The following ZNF253 variants were observed in gnomAD, a reference collection of about 807,000 sequenced individuals.
ZNF253 encodes the protein zinc finger protein 253, also known as DNA-binding protein.
ZNF253 carries 8 observed loss-of-function variants against 11.9 expected under a neutral mutation model. The observed-to-expected ratio is 0.67, with a 90% CI of 0.40 to 1.22. The LOEUF is 1.22. Among genes scored for constraint, ZNF253 ranks in the 50% most tolerant of loss-of-function variants. ZNF253 has a pLI of 0.01. For missense variants in ZNF253, 485 were observed against 586.9 expected, an observed-to-expected ratio of 0.83 and a Z score of 1.79; for synonymous variants, 194 against 194.9, an observed-to-expected ratio of 1.00 and a Z score of 0.04.
intron 2 of ZNF253, 64 bp downstream of exon 2, chr19:19,878,671 G>T: frequency 6.5e-7 from 1 of 1,533,166 alleles, no homozygotes; most frequent in Non-Finnish European, 8.8e-7. Context: ...CTTTTTTGTA[G>T]AATGTTTGTT....
chr19:19,887,265 G>A (rs2063210041), intron 3 of ZNF253, among the ~76,000 whole-genome samples: 2 of 151,076 alleles, frequency 1.3e-5, no homozygotes, highest in African/African-American at 4.9e-5. Flanking sequence ...AACCACTCAG[G>A]CATTCTATTT....
intron 3 of ZNF253, among the ~76,000 whole-genome samples, chr19:19,889,292 G>A (rs752947580): frequency 4.7e-5 from 7 of 149,440 alleles, no homozygotes; most frequent in Admixed American, 2.0e-4. Flanking sequence ...TTCAGTAGTC[G>A]TCTGTGTTCC....
chr19:19,866,610 T>C (rs2063112360), intron 1 of ZNF253, among the ~76,000 whole-genome samples: 1 of 151,754 alleles, frequency 6.6e-6, no homozygotes, highest in Non-Finnish European at 1.5e-5. Context: ...GTGATTCTCC[T>C]GCCTCAGCCT....
chr19:19,889,170 CATT>C (rs1007001648), intron 3 of ZNF253, among the ~76,000 whole-genome samples: 3 of 151,268 alleles, frequency 2.0e-5, no homozygotes, highest in Non-Finnish European at 4.4e-5. Flanking sequence ...TTCATGTTTA[CATT>C]ATTTTTTCTT....
chr19:19,882,932 T>C (rs1425671437), intron 3 of ZNF253, among the ~76,000 whole-genome samples: 1 of 151,430 alleles, frequency 6.6e-6, no homozygotes, highest in Non-Finnish European at 1.5e-5. Flanking sequence ...GATTGCACCA[T>C]TGCACTCCAG....
chr19:19,883,568 C>A (rs1198183641), intron 3 of ZNF253, among the ~76,000 whole-genome samples: 2 of 151,510 alleles, frequency 1.3e-5, no homozygotes, highest in Non-Finnish European at 2.9e-5. Flanking sequence ...GAGTGAGACC[C>A]TGTCTCAAAA....
intron 3 of ZNF253, among the ~76,000 whole-genome samples, chr19:19,885,113 G>C (rs987254619): frequency 6.6e-6 from 1 of 152,038 alleles, no homozygotes; most frequent in Non-Finnish European, 1.5e-5. Flanking sequence ...AAATTTTGAA[G>C]TATAGTGTAG....
At chr19:19,883,046 A>T (rs1311306272) in intron 3 of ZNF253, among the ~76,000 whole-genome samples, 1 of 152,004 alleles carries the variant, frequency 6.6e-6, no homozygotes, top group African/African-American at 2.4e-5. Flanking sequence ...ATCTATAAAT[A>T]TGACCCCAAT....
intron 3 of ZNF253, among the ~76,000 whole-genome samples, chr19:19,884,057 C>CAAAAA (rs751875742): frequency 1.5e-5 from 1 of 66,544 alleles, no homozygotes; most frequent in Non-Finnish European, 3.4e-5. Context: ...AACTCCATCT[C>CAAAAA]AAAAAAAAAA....
chr19:19,880,213 C>A, intron 3 of ZNF253, 67 bp downstream of exon 3: 2 of 1,221,970 alleles, frequency 1.6e-6, no homozygotes, highest in Non-Finnish European at 2.3e-6. Flanking sequence ...AAAGAGAAAA[C>A]CAGTCTTTAA....
chr19:19,867,628 C>G (rs1035567075), intron 1 of ZNF253, among the ~76,000 whole-genome samples: 1 of 152,208 alleles, frequency 6.6e-6, no homozygotes, highest in Non-Finnish European at 1.5e-5. Context: ...CTCAGCCTCC[C>G]AGAGTGCTGG....
At chr19:19,881,590 A>G (rs1174031792) in intron 3 of ZNF253, among the ~76,000 whole-genome samples, 2 of 151,080 alleles carry the variant, frequency 1.3e-5, no homozygotes, top group African/African-American at 4.9e-5. Context: ...CAGAGGTTTC[A>G]GTGAGCCGAG....
chr19:19,878,525 G>A lies in ZNF253; in HGVS notation c.48G>A (p.Glu16=), dbSNP rs1414701855. The A allele has an allele frequency of 1.2e-6, 2 of 1,614,024 alleles. No homozygotes were observed. The highest frequency in any genetic ancestry group is 1.7e-5 in the Admixed American group (1 of 60,018). The change falls in exon 2 of 4, where the codon GAG becomes GAA. Residue 16 remains glutamate, a synonymous_variant. Transcript: ENST00000589717. ...FRDVAIEFSL[E]EWHCLDTAQR... ...ATGTGGCCATAGAATTCTCTCTGGA[G>A]GAGTGGCATTGCCTGGACACTGCAC...
At chr19:19,870,407 A>G (rs1433888883) in intron 1 of ZNF253, among the ~76,000 whole-genome samples, 2 of 151,528 alleles carry the variant, frequency 1.3e-5, no homozygotes, top group African/African-American at 2.4e-5. Flanking sequence ...AAAAAAAAAA[A>G]GCTACATATA....
chr19:19,877,361 C>A (rs532155479), intron 1 of ZNF253, among the ~76,000 whole-genome samples: 8 of 151,160 alleles, frequency 5.3e-5, no homozygotes, highest in Non-Finnish European at 1.0e-4. Flanking sequence ...AACAGTGATG[C>A]TGTGTTCTTC....
In ZNF253 at chr19:19,891,578, C is replaced by T. The variant is rs374693366; in HGVS notation, c.331C>T (p.Gln111Ter). 1.5e-5 allele frequency: 25 copies of T among 1,613,810 alleles called. No individual in the cohort carries two copies. The highest frequency in any genetic ancestry group is 2.1e-5 in the Non-Finnish European group (25 of 1,179,974). Residue 111 changes from glutamine (Q) to a stop codon, truncating the protein, a stop_gained, in exon 4 of 4, where the codon CAG (glutamine) becomes TAG (stop). Transcript: ENST00000589717. LOFTEE classifies it low-confidence loss of function (END_TRUNC). ...RYEECRHDNL[Q>*]LKKGCKSVGE... is the part of the protein sequence containing the mutation. ...TGAAGAATGCAGACATGACAATTTA[C>T]AGTTAAAAAAAGGCTGTAAAAGCGT...
intron 1 of ZNF253, among the ~76,000 whole-genome samples, chr19:19,866,459 G>C (rs1474310378): frequency 6.6e-6 from 1 of 151,660 alleles, no homozygotes; most frequent in African/African-American, 2.4e-5. Flanking sequence ...TGCTGCTCGC[G>C]TCCGACCTGA....
chr19:19,885,263 CTTT>C lies in ZNF253; in HGVS notation c.226+5118_226+5120del, dbSNP rs2063196157. Among the ~76,000 whole-genome samples, 3 of 61,272 alleles carry C rather than the reference CTTT, an allele frequency of 4.9e-5. 1 individual carries two copies. In the African/African-American group the frequency reaches 6.3e-4, roughly 13 times the overall value. 40.2% of individuals were successfully genotyped at this position (61,272 alleles called of 152,430 possible). The stretch of plus-strand genomic sequence containing the variant: ...TCTTTCTTTCTTTCTTTCTTTCTTT[CTTT>C]CTTTCTTTCTTTCTTTCTTTCTTTC... On this transcript the variant is annotated intron_variant, in intron 3 of 3. Transcript: ENST00000589717.
At chr19:19,870,349 A>C (rs949815582) in intron 1 of ZNF253, among the ~76,000 whole-genome samples, 13 of 150,790 alleles carry the variant, frequency 8.6e-5, no homozygotes, top group African/African-American at 3.2e-4. Flanking sequence ...CTGAGATTGC[A>C]CCATTTCACT....
Sources: allele counts gnomAD v4.1 joint callset (sites outside exome capture counted in the v4.1 genomes callset), GRCh38; gene constraint gnomAD v4.1.1; transcripts MANE v1.5; gene names NCBI Gene and HGNC (gene_info 2026-07-23, HGNC 2026-07-21).